The following MEGF11 variants were observed in gnomAD, a reference collection of about 807,000 sequenced individuals.
MEGF11 encodes multiple EGF like domains 11, also known as multiple epidermal growth factor-like domains protein 11.
Under a neutral mutation model 146.6 loss-of-function variants are expected in MEGF11, and 126 were observed. The observed-to-expected ratio is 0.86, with a 90% CI of 0.74 to 1.00. MEGF11 has a LOEUF of 1.00. Ranked by LOEUF, MEGF11 falls within the 50% of genes least tolerant of loss-of-function variation. The pLI is 0.00. For synonymous variants in MEGF11, 532 were observed against 583.4 expected (o/e 0.91, Z 1.27); for missense variants, 1,509 against 1,521.2 (o/e 0.99, Z 0.13).
At chr15:66,133,926 C>A (rs531525371) in intron 1 of MEGF11, among the ~76,000 whole-genome samples, 5 of 152,218 alleles carry the variant, frequency 3.3e-5, no homozygotes, top group African/African-American at 1.2e-4. Context: ...GATAAATCAG[C>A]GGGGATTGGA....
chr15:66,109,178 A>G (rs2087254733), intron 4 of MEGF11, among the ~76,000 whole-genome samples: 1 of 152,268 alleles, frequency 6.6e-6, no homozygotes, highest in East Asian at 1.9e-4. Context: ...GTCCTTGAAC[A>G]CAGCCATCCA....
chr15:65,910,025 C>T, intron 21 of MEGF11: 1 of 676,778 alleles, frequency 1.5e-6, no homozygotes, highest in Non-Finnish European at 2.7e-6. Context: ...AGCTGTTGGG[C>T]TGAAGTTGTA....
At position 65,912,138 on chromosome 15, in the gene MEGF11, A is replaced by G. The variant is rs2078831739; in HGVS notation, c.2773T>C (p.Cys925Arg). 3.2e-6 allele frequency: 4 copies of G among 1,232,174 alleles called. No individual in the cohort carries two copies. The highest frequency in any genetic ancestry group is 3.1e-5 in the African/African-American group (2 of 64,486). The allele number at this position is 1,232,174 out of a possible 1,614,324, so 76.3% of individuals were successfully genotyped here. ...GCCTGGCTGGTGGCAGGCCCCCCAC[A>G]TGCCAGTGCGTGGTAGCTGGAATTG... ...FSNSSYHALA[C>R]GGPATSQAST... is the part of the protein sequence containing the mutation. The change falls in exon 21 of 26, where the codon TGT (cysteine) becomes CGT (arginine). Residue 925 changes from cysteine (C) to arginine (R), a missense_variant. Transcript: ENST00000395614.
intron 5 of MEGF11, among the ~76,000 whole-genome samples, chr15:66,008,531 C>T (rs182791538): frequency 1.8e-3 from 273 of 152,080 alleles, no homozygotes; most frequent in African/African-American, 6.1e-3. Context: ...ACTTGCCCAC[C>T]GTAAAAGAGT....
chr15:65,987,230 T>C (rs952904828), intron 5 of MEGF11, among the ~76,000 whole-genome samples: 1 of 152,236 alleles, frequency 6.6e-6, no homozygotes, highest in Non-Finnish European at 1.5e-5. Flanking sequence ...GTGAATTTTC[T>C]CATTTAATTC....
intron 5 of MEGF11, among the ~76,000 whole-genome samples, chr15:66,089,756 G>A (rs761103904): frequency 8.5e-4 from 130 of 152,258 alleles, no homozygotes; most frequent in Non-Finnish European, 1.7e-3. Context: ...TATGAATAAT[G>A]TTTCTATCTC....
intron 5 of MEGF11, among the ~76,000 whole-genome samples, chr15:66,040,826 T>C (rs138600130): frequency 1.3e-3 from 197 of 152,122 alleles, no homozygotes; most frequent in Middle Eastern, 6.8e-3. Context: ...TGTGCACTGC[T>C]CAAGGTACCT....
intron 7 of MEGF11, among the ~76,000 whole-genome samples, chr15:65,978,921 A>AG (rs373488108): frequency 8.7e-4 from 133 of 152,078 alleles, no homozygotes; most frequent in African/African-American, 3.1e-3. Flanking sequence ...CATCTGAGAA[A>AG]GGAAGGTATT....
At chr15:66,248,121 G>T (rs912590748) in intron 1 of MEGF11, among the ~76,000 whole-genome samples, 3 of 152,174 alleles carry the variant, frequency 2.0e-5, no homozygotes, top group Non-Finnish European at 4.4e-5. Context: ...GGGCTTCTGG[G>T]TAAGACTCCC....
At chr15:66,184,755 G>C (rs995593326) in intron 1 of MEGF11, among the ~76,000 whole-genome samples, 1 of 150,498 alleles carries the variant, frequency 6.6e-6, no homozygotes, top group Non-Finnish European at 1.5e-5. Flanking sequence ...CCGTGTTTCC[G>C]TCTGCTCAGG....
intron 5 of MEGF11, among the ~76,000 whole-genome samples, chr15:66,088,109 C>T (rs1181552960): frequency 6.6e-6 from 1 of 152,132 alleles, no homozygotes; most frequent in Non-Finnish European, 1.5e-5. Context: ...AATTACAACC[C>T]TTCCAGTTTA....
At chr15:66,053,280 T>C (rs567018062) in intron 5 of MEGF11, among the ~76,000 whole-genome samples, 2 of 152,338 alleles carry the variant, frequency 1.3e-5, no homozygotes, top group South Asian at 2.1e-4. Flanking sequence ...GATATAAGTA[T>C]GCGAAGGAGT....
chr15:66,117,846 C>G (rs556208313), intron 4 of MEGF11, among the ~76,000 whole-genome samples: 1 of 152,284 alleles, frequency 6.6e-6, no homozygotes, highest in East Asian at 1.9e-4. Flanking sequence ...AGGTGAACTG[C>G]TTTGTATCTT....
At chr15:66,003,245 T>G (rs1428886798) in intron 5 of MEGF11, among the ~76,000 whole-genome samples, 3 of 152,076 alleles carry the variant, frequency 2.0e-5, no homozygotes, top group African/African-American at 4.8e-5. Flanking sequence ...CTGCCTGCCT[T>G]GGCCTCCCAA....
chr15:66,219,251 T>C (rs188089652), intron 1 of MEGF11, among the ~76,000 whole-genome samples: 181 of 152,178 alleles, frequency 1.2e-3, no homozygotes, highest in African/African-American at 3.9e-3. Context: ...CAAAAGACAC[T>C]GTGAAGAGAA....
chr15:66,179,425 G>A (rs557381973), intron 1 of MEGF11, among the ~76,000 whole-genome samples: 4 of 152,098 alleles, frequency 2.6e-5, no homozygotes, highest in Admixed American at 2.0e-4. Context: ...GAGCCATTCC[G>A]CCCAGCTGGA....
Position 65,965,011 on chromosome 15 carries a change from G to C in MEGF11, c.1009C>G (p.Pro337Ala). ...TGGCAGCGTGGGCCCTTGTAGCCAG[G>C]CTCACACTCGCAGGCACCCGTGGTG... ...SPTTGACECE[P>A]GYKGPRCQER... Residue 337 changes from proline (P) to alanine (A), a missense_variant, in exon 9 of 26, where the codon CCT becomes GCT. Coordinates refer to ENST00000395614, the MANE Select transcript of MEGF11 (RefSeq NM_001385028.1). 1 of 1,572,462 alleles carries C rather than the reference G, an allele frequency of 6.4e-7. No individual in the cohort carries two copies. Among genetic ancestry groups the C allele is most frequent in the South Asian group, 1.2e-5 (1 of 85,454 alleles).
intron 1 of MEGF11, among the ~76,000 whole-genome samples, chr15:66,185,091 G>A (rs1434711213): frequency 6.6e-6 from 1 of 152,140 alleles, no homozygotes; most frequent in African/African-American, 2.4e-5. Flanking sequence ...CACCCAGGAT[G>A]TACCCCATAC....
In MEGF11 at chr15:65,916,874, C is replaced by A. The variant is rs1463390339; in HGVS notation, c.2169G>T (p.Gly723=). 3.1e-6 allele frequency: 5 copies of A among 1,592,002 alleles called. No individual in the cohort carries two copies. The South Asian group carries it at 5.7e-5, about 18-fold the overall frequency. ...HNGASCSAED[G]ACHCTPGWTG... ...TCCAGCCAGGGGTGCAGTGGCAGGC[C>A]CCGTCCTCGGCGCTGCAGCTCGCCC... The change falls in exon 17 of 26, where the codon GGG becomes GGT. Residue 723 remains glycine (G), a synonymous_variant. Transcript: ENST00000395614.
Sources: gnomAD v4.1 joint callset for allele counts (sites outside exome capture counted in the v4.1 genomes callset) on GRCh38, gnomAD v4.1.1 for gene constraint, MANE v1.5 for transcripts, NCBI Gene and HGNC (gene_info 2026-07-23, HGNC 2026-07-21) for gene names.